Variants in NOC3L observed in about 807,000 individuals in gnomAD.
NOC3L encodes the protein nucleolar complex protein 3 homolog.
In NOC3L, 85 loss-of-function variants were observed where a neutral mutation model predicts 102.5. The observed-to-expected ratio is 0.83, with a 90% CI of 0.70 to 0.99. The LOEUF (loss-of-function observed/expected upper bound fraction) is 0.99, where lower values mean the gene tolerates loss of function less well. Among genes scored for constraint, NOC3L ranks in the 50% least tolerant of loss-of-function variants. The pLI, the probability that NOC3L is intolerant of heterozygous loss-of-function variation, is 0.00. For synonymous variants in NOC3L, 303 were observed against 309.4 expected (o/e 0.98, Z 0.22); for missense variants, 878 against 914.9 (o/e 0.96, Z 0.52).
rs1437452431 is a variant in NOC3L, at chr10:94,350,417, A to G, written c.953-129T>C. On this transcript the variant is annotated intron_variant, in intron 8 of 20. Transcript: ENST00000371361. ...ACACACATTCCCACACCCCTTAAAA[A>G]AAGACTTCATATGCTGGGCACAGTG... is the stretch of plus-strand genomic sequence containing the variant. 4 of 799,538 alleles carry G rather than the reference A, an allele frequency of 5.0e-6. No individual in the cohort carries two copies. In the African/African-American group the frequency reaches 5.2e-5, roughly 10 times the overall value. 49.5% of individuals were successfully genotyped at this position (799,538 alleles called of 1,614,324 possible). A position where few individuals can be genotyped will look rare whatever the true frequency, so the allele number is the denominator to read the frequency against.
intron 8 of NOC3L, 108 bp from the exon 9 acceptor site, chr10:94,350,396 A>T: frequency 2.2e-6 from 2 of 899,680 alleles, no homozygotes; most frequent in Non-Finnish European, 3.5e-6. Flanking sequence ...ACACACACAC[A>T]CATTCCCACA....
chr10:94,321,886 T>G, the NOC3L span: 2 of 1,600,882 alleles, frequency 1.2e-6, no homozygotes, highest in Non-Finnish European at 1.7e-6. Context: ...TCACATTTTT[T>G]CTTTTTAAAC....
downstream of NOC3L, chr10:94,332,567 A>G (rs532619455): frequency 5.3e-5 from 8 of 151,954 alleles, 1 homozygote; most frequent in South Asian, 1.7e-3. Context: ...AAGCTTACAT[A>G]TAAGCGTATG....
rs1263249620 is a variant in NOC3L, at chr10:94,334,285, A to G, written c.2295T>C (p.Asp765=). 6.2e-7 allele frequency: 1 copy of G among 1,605,198 alleles called. No homozygotes were observed. The highest frequency in any genetic ancestry group is 8.5e-7 in the Non-Finnish European group (1 of 1,173,772). ...PKIKGKFLQG[D]SFLNEDLNQL... is the part of the protein sequence containing the mutation. ...GATTTAAATCTTCATTCAAAAATGA[A>G]TCCCCTTGTAAAAATTTACCCTAGG... Residue 765 remains aspartate (D), a synonymous_variant, in exon 21 of 21, where the codon GAT becomes GAC. Coordinates refer to ENST00000371361, the MANE Select transcript of NOC3L (RefSeq NM_022451.11).
the NOC3L span, chr10:94,325,596 CAAAAAAAA>C: frequency 3.5e-5 from 4 of 113,332 alleles, no homozygotes; most frequent in Non-Finnish European, 7.6e-5. Context: ...AACTCCGTCT[CAAAAAAAA>C]AAAAAGAAAA....
intron 19 of NOC3L, among the ~76,000 whole-genome samples, chr10:94,336,243 C>A (rs35058175): frequency 0.13 from 20,430 of 152,192 alleles, 1,536 homozygotes; most frequent in Middle Eastern, 0.26. Flanking sequence ...GAAGATGCAG[C>A]AACAAGATGC....
At chr10:94,322,171 C>A in the NOC3L span, 1 of 993,854 alleles carries the variant, frequency 1.0e-6, no homozygotes, top group Non-Finnish European at 1.6e-6. Flanking sequence ...ACAACAGGGA[C>A]CTCAAAGGGG....
intron 2 of NOC3L, among the ~76,000 whole-genome samples, chr10:94,361,032 T>C (rs12781628): frequency 0.15 from 22,732 of 151,948 alleles, 1,801 homozygotes; most frequent in Middle Eastern, 0.26. Context: ...AATAATAATT[T>C]TTAAAAAATG....
chr10:94,340,081 A>G (rs921606127), intron 16 of NOC3L, among the ~76,000 whole-genome samples, 161 bp from the exon 17 acceptor site: 2 of 152,220 alleles, frequency 1.3e-5, no homozygotes, highest in African/African-American at 4.8e-5. Context: ...ACAGCGGGCT[A>G]TACTTACTGC....
At chr10:94,326,541 G>A in the NOC3L span, among the ~76,000 whole-genome samples, 8 of 152,202 alleles carry the variant, frequency 5.3e-5, no homozygotes, top group African/African-American at 1.4e-4. Flanking sequence ...ACTAAAGCTA[G>A]TAAATTGGTC....
At chr10:94,324,627 T>A in the NOC3L span, 1 of 1,325,142 alleles carries the variant, frequency 7.5e-7, no homozygotes, top group Non-Finnish European at 1.1e-6. Flanking sequence ...AATTACACTG[T>A]AGCCAGATCT....
intron 16 of NOC3L, 28 bp from the exon 17 acceptor site, chr10:94,339,948 C>A: frequency 6.3e-7 from 1 of 1,587,218 alleles, no homozygotes; most frequent in Non-Finnish European, 8.6e-7. Flanking sequence ...TTCTTCAGAG[C>A]TGTTCTCATT....
the NOC3L span, among the ~76,000 whole-genome samples, chr10:94,318,309 ATT>A: frequency 7.9e-5 from 12 of 152,196 alleles, no homozygotes; most frequent in Non-Finnish European, 1.3e-4. Context: ...TAATGTCTAA[ATT>A]TTTGTCCTGT....
chr10:94,334,955 T>C (rs1275473940), intron 19 of NOC3L, among the ~76,000 whole-genome samples: 2 of 152,142 alleles, frequency 1.3e-5, no homozygotes, highest in Non-Finnish European at 2.9e-5. Flanking sequence ...AGGCATAGAC[T>C]CCAGAGAGAA....
chr10:94,354,721 T>G, intron 6 of NOC3L, among the ~76,000 whole-genome samples: 1 of 152,238 alleles, frequency 6.6e-6, no homozygotes, highest in East Asian at 1.9e-4. Context: ...TATTTTCATA[T>G]ATGAAGATGA....
chr10:94,323,869 TAAATG>T, the NOC3L span, among the ~76,000 whole-genome samples: 1 of 152,196 alleles, frequency 6.6e-6, no homozygotes, highest in Non-Finnish European at 1.5e-5. Flanking sequence ...ATTCTTATAT[TAAATG>T]AAAAGAGAGA....
At chr10:94,319,852 C>CTAAAAGG in the NOC3L span, among the ~76,000 whole-genome samples, 1 of 142,800 alleles carries the variant, frequency 7.0e-6, no homozygotes, top group Non-Finnish European at 1.5e-5. Flanking sequence ...CTGAGGGAGG[C>CTAAAAGG]TCAAAGGTGC....
Position 94,350,174 on chromosome 10 carries a change from A to T in NOC3L, c.1067T>A (p.Phe356Tyr). 1 of 1,614,206 alleles carries T rather than the reference A, an allele frequency of 6.2e-7. No homozygotes were observed. The change falls in exon 9 of 21, where the codon TTT becomes TAT. Residue 356 changes from phenylalanine (F) to tyrosine (Y), a missense_variant. By Grantham distance (22) the Phe-to-Tyr change is conservative. Transcript: ENST00000371361. ...LCELLVALPH[F>Y]NFHNNIIVLI... ...TACGATGATGTTGTTGTGAAAGTTA[A>T]AATGAGGTAGTGCCACCAACAGCTC...
Position 94,334,206 on chromosome 10 carries a change from T to G in NOC3L, c.2374A>C (p.Thr792Pro). ...TGTAGTGATGTTTTCAAATATTTCG[T>G]GAAATCCAGAGGCGATTCAGTAGCA... is the stretch of plus-strand genomic sequence containing the variant. ...EVATESPLDF[T>P]KYLKTSLH is the part of the protein sequence containing the mutation. The change falls in exon 21 of 21, where the codon ACG becomes CCG. Residue 792 changes from threonine to proline, a missense_variant. Coordinates refer to ENST00000371361, the MANE Select transcript of NOC3L (RefSeq NM_022451.11). The G allele has an allele frequency of 6.3e-7, 1 of 1,582,032 alleles. No individual in the cohort carries two copies. Among genetic ancestry groups the G allele is most frequent in the Non-Finnish European group, 8.7e-7 (1 of 1,151,620 alleles).
Sources: allele counts gnomAD v4.1 joint callset (sites outside exome capture counted in the v4.1 genomes callset), GRCh38; gene constraint gnomAD v4.1.1; transcripts MANE v1.5; gene names NCBI Gene and HGNC (gene_info 2026-07-23, HGNC 2026-07-21).